The following TMEM130 variants were observed in gnomAD, a reference collection of about 807,000 sequenced individuals.
The protein encoded by TMEM130 is transmembrane protein 130.
A neutral mutation model predicts 42.9 loss-of-function variants in TMEM130; 37 were observed. The ratio of observed to expected loss-of-function variants is 0.86; its 90% confidence interval spans 0.66 to 1.13. The LOEUF is 1.13. Ranked by LOEUF, TMEM130 falls within the 50% of genes most tolerant of loss-of-function variation. The pLI, the probability that TMEM130 is intolerant of heterozygous loss-of-function variation, is 0.00. For missense variants in TMEM130, 545 were observed against 562.6 expected, an observed-to-expected ratio of 0.97 and a Z score of 0.32; for synonymous variants, 259 against 237.7, an observed-to-expected ratio of 1.09 and a Z score of -0.82.
At chr7:98,855,082 G>GCT (rs1298938137) in intron 5 of TMEM130, among the ~76,000 whole-genome samples, 158 bp downstream of exon 5, 1 of 152,338 alleles carries the variant, frequency 6.6e-6, no homozygotes, top group East Asian at 1.9e-4. Flanking sequence ...CTGAGCCCAT[G>GCT]CTCTCCCCAT....
chr7:98,851,484 T>C lies in TMEM130; in HGVS notation c.943A>G (p.Ile315Val), dbSNP rs782747753. The C allele has an allele frequency of 6.2e-7, 1 of 1,614,064 alleles. No individual in the cohort carries two copies. Among genetic ancestry groups the C allele is most frequent in the South Asian group, 1.1e-5 (1 of 91,082 alleles). The change falls in exon 6 of 8, where the codon ATC (isoleucine) becomes GTC (valine). Residue 315 changes from isoleucine (I) to valine (V), a missense_variant. Ile to Val is a conservative substitution (Grantham distance 29, BLOSUM62 3). Transcript: ENST00000339375. ...FRDPGDYCFS[I>V]RAENIISKTH... Reference sequence around the variant, plus strand: ...TTGCTGATGATATTCTCGGCCCGGATGCTGAAGCAGTAGTCCCCAGGGTCC... The same window carrying C: ...TTGCTGATGATATTCTCGGCCCGGACGCTGAAGCAGTAGTCCCCAGGGTCC...
At chr7:98,852,745 C>A (rs1313075270) in intron 5 of TMEM130, among the ~76,000 whole-genome samples, 3 of 152,092 alleles carry the variant, frequency 2.0e-5, no homozygotes, top group Non-Finnish European at 2.9e-5. Flanking sequence ...CAGGCATGCA[C>A]CACCGTGCCT....
Position 98,869,408 on chromosome 7 carries a change from A to C in TMEM130, c.85+369T>G. On this transcript the variant is annotated intron_variant, in intron 1 of 7. Coordinates refer to ENST00000339375, the MANE Select transcript of TMEM130 (RefSeq NM_152913.3). This position sits in a 1 kb window ranked among gnomAD's most constrained non-coding sequence, Gnocchi z 4.7. ...GGGACTGGGGAATTGTGGCGCGATG[A>C]CGGACCCTGGCGCATCCCCGCCTCC... 8.3e-7 allele frequency: 1 copy of C among 1,204,458 alleles called. No individual in the cohort carries two copies. The highest frequency in any genetic ancestry group is 1.0e-6 in the Non-Finnish European group (1 of 956,858). 74.6% of individuals were successfully genotyped at this position (1,204,458 alleles called of 1,614,324 possible).
rs1794502703 is a variant in TMEM130, at chr7:98,851,464, G to A, written c.963C>T (p.Ile321=). Reference sequence around the variant, plus strand: ...TCTTGTGGTACTGATGTGTCTTGCTGATGATATTCTCGGCCCGGATGCTGA... The same window carrying A: ...TCTTGTGGTACTGATGTGTCTTGCTAATGATATTCTCGGCCCGGATGCTGA... ...YCFSIRAENI[I]SKTHQYHKIQ... is the part of the protein sequence containing the mutation. Residue 321 remains isoleucine (I), a synonymous_variant, in exon 6 of 8, where the codon ATC becomes ATT. Transcript: ENST00000339375. The A allele has an allele frequency of 5.0e-6, 8 of 1,614,094 alleles. No homozygotes were observed. Among genetic ancestry groups the A allele is most frequent in the East Asian group, 2.2e-5 (1 of 44,872 alleles).
chr7:98,869,498 C>T lies in TMEM130; in HGVS notation c.85+279G>A, dbSNP rs1794981544. Reference sequence around the variant, plus strand: ...CAGGCATCGACGGATGCGCCGGCCACCCCCGCGCGGTTTCCAGGGCAGGGC... The same window carrying T: ...CAGGCATCGACGGATGCGCCGGCCATCCCCGCGCGGTTTCCAGGGCAGGGC... On this transcript the variant is annotated intron_variant, in intron 1 of 7. Transcript: ENST00000339375. This position sits in a 1 kb window ranked among gnomAD's most constrained non-coding sequence, Gnocchi z 4.7. 6.7e-6 allele frequency: 5 copies of T among 749,442 alleles called. No individual in the cohort carries two copies. In the South Asian group the frequency reaches 1.8e-4, roughly 27 times the overall value. The allele number at this position is 749,442 out of a possible 1,614,324, so 46.4% of individuals were successfully genotyped here.
At chr7:98,862,676 T>C (rs1794809646) in intron 2 of TMEM130, among the ~76,000 whole-genome samples, 2 of 152,024 alleles carry the variant, frequency 1.3e-5, no homozygotes, top group Admixed American at 1.3e-4. Context: ...ATTTTTGTAT[T>C]TTTAGTGGAG....
rs541770654 is a variant in TMEM130 at position 98,870,009 on chromosome 7, C to G, written c.-148G>C. 9 of 400,940 alleles carry G rather than the reference C, an allele frequency of 2.2e-5. No individual in the cohort carries two copies. The Middle Eastern group carries it at 2.9e-3, about 131-fold the overall frequency. The allele number at this position is 400,940 out of a possible 1,614,324, so 24.8% of individuals were successfully genotyped here. On this transcript the variant is annotated 5_prime_UTR_variant, in exon 1 of 8. Transcript: ENST00000339375. The stretch of plus-strand genomic sequence containing the variant: ...GTGCTCGCTCGTCCTCGCCGGGGGA[C>G]GCTCTGTCGCTGCGCGCCGCCGCCG...
chr7:98,860,095 A>C, intron 3 of TMEM130, 84 bp downstream of exon 3: 46 of 1,248,518 alleles, frequency 3.7e-5, no homozygotes, highest in Non-Finnish European at 4.6e-5. Flanking sequence ...TTAAAGGTGA[A>C]GAGATTCGGA....
At chr7:98,856,227 T>G in intron 3 of TMEM130, 44 bp from the exon 4 acceptor site, 1 of 1,590,400 alleles carries the variant, frequency 6.3e-7, no homozygotes, top group Non-Finnish European at 8.6e-7. Context: ...CAGCAGACGG[T>G]TGCTTCCCCT....
rs182292639 is a variant in TMEM130 at position 98,849,112 on chromosome 7, T to A, written c.1007-417A>T. On this transcript the variant is annotated intron_variant, in intron 6 of 7. Coordinates refer to ENST00000339375, the MANE Select transcript of TMEM130 (RefSeq NM_152913.3). ...GACACACTTTTGGGAAGGGCAGCCA[T>A]GTTGTGAGGTCACCCAATCAGCACT... Among the ~76,000 whole-genome samples, 25 of 152,258 alleles carry A rather than the reference T, an allele frequency of 1.6e-4. No individual in the cohort carries two copies. In the East Asian group the frequency reaches 4.4e-3, roughly 27 times the overall value.
chr7:98,864,815 G>T (rs1365812360), intron 1 of TMEM130, among the ~76,000 whole-genome samples: 1 of 152,256 alleles, frequency 6.6e-6, no homozygotes, highest in African/African-American at 2.4e-5. Flanking sequence ...CAGGGGAATC[G>T]CTGGAACCCA....
At chr7:98,862,572 C>T (rs12532442) in intron 2 of TMEM130, among the ~76,000 whole-genome samples, 105,008 of 145,870 alleles carry the variant, frequency 0.72, 41,766 homozygotes, top group South Asian at 0.88. Context: ...GTTCTCGGCT[C>T]ACTGCAACCT....
At position 98,851,493 on chromosome 7, in the gene TMEM130, A is replaced by C; in HGVS notation, c.934T>G (p.Cys312Gly). ...ATATTCTCGGCCCGGATGCTGAAGC[A>C]GTAGTCCCCAGGGTCCCTGAAGGTG... ...THTFRDPGDY[C>G]FSIRAENIIS... Residue 312 changes from cysteine (C) to glycine (G), a missense_variant, in exon 6 of 8, where the codon TGC (cysteine) becomes GGC (glycine). Transcript: ENST00000339375. 1 of 1,614,142 alleles carries C rather than the reference A, an allele frequency of 6.2e-7. No individual in the cohort carries two copies. The highest frequency in any genetic ancestry group is 8.5e-7 in the Non-Finnish European group (1 of 1,180,032).
chr7:98,862,487 C>CTTTTTTTT (rs57165730), intron 2 of TMEM130, among the ~76,000 whole-genome samples: 1 of 65,786 alleles, frequency 1.5e-5, no homozygotes, highest in African/African-American at 5.5e-5. Flanking sequence ...ACAATAATTT[C>CTTTTTTTT]TTTTTTTTTT....
intron 1 of TMEM130, among the ~76,000 whole-genome samples, chr7:98,867,803 CT>C (rs1410806049): frequency 2.6e-5 from 4 of 152,228 alleles, no homozygotes; most frequent in African/African-American, 4.8e-5. Flanking sequence ...GTCACAGCCC[CT>C]GGGTGATGCT....
Position 98,856,090 on chromosome 7 carries a change from T to C in TMEM130, c.645A>G (p.Glu215=), listed in dbSNP as rs1794626508. The part of the protein sequence containing the change: ...TVKLKVVAEW[E]EVEPDATRAV... ...CCCTCGTGGCATCCGGCTCCACCTC[T>C]TCCCACTCCGCCACCACTTTGAGCT... Residue 215 remains glutamate, a synonymous_variant, in exon 4 of 8, where the codon GAA becomes GAG. Coordinates refer to ENST00000339375, the MANE Select transcript of TMEM130 (RefSeq NM_152913.3). The C allele has an allele frequency of 6.2e-7, 1 of 1,613,824 alleles. No individual in the cohort carries two copies. The highest frequency in any genetic ancestry group is 1.7e-5 in the Admixed American group (1 of 59,994).
In TMEM130 at chr7:98,869,965, G is replaced by T. The variant is rs1794998018; in HGVS notation, c.-104C>A. Reference sequence around the variant, plus strand: ...CCTCCGGGCGCGCAGCGCGGGCGGTGCGGGGAGGTGCGGGCGCCGTGCTCG... The same window carrying T: ...CCTCCGGGCGCGCAGCGCGGGCGGTTCGGGGAGGTGCGGGCGCCGTGCTCG... On this transcript the variant is annotated 5_prime_UTR_variant, in exon 1 of 8. Transcript: ENST00000339375. The surrounding 1 kb of genome is among the most constrained non-coding windows in gnomAD (Gnocchi z 4.7). 2 of 718,792 alleles carry T rather than the reference G, an allele frequency of 2.8e-6. No individual in the cohort carries two copies. Among genetic ancestry groups the T allele is most frequent in the Admixed American group, 4.4e-5 (1 of 22,628 alleles). The allele number at this position is 718,792 out of a possible 1,614,324, so 44.5% of individuals were successfully genotyped here.
rs552269872 is a variant in TMEM130 at position 98,869,535 on chromosome 7, G to T, written c.85+242C>A. Among the ~76,000 whole-genome samples, 1 of 152,228 alleles carries T rather than the reference G, an allele frequency of 6.6e-6. No homozygotes were observed. ...TTCCAGGGCAGGGCCAGCCTGGGGGGGTGGAAGCAGGAATCCAGGGGGTGC... is the reference window on the plus strand; with the variant it reads ...TTCCAGGGCAGGGCCAGCCTGGGGGTGTGGAAGCAGGAATCCAGGGGGTGC... On this transcript the variant is annotated intron_variant, in intron 1 of 7. Coordinates refer to ENST00000339375, the MANE Select transcript of TMEM130 (RefSeq NM_152913.3). The surrounding 1 kb of genome is among the most constrained non-coding windows in gnomAD (Gnocchi z 4.7).
intron 2 of TMEM130, among the ~76,000 whole-genome samples, chr7:98,861,343 G>T (rs1584242739): frequency 1.3e-5 from 2 of 151,614 alleles, no homozygotes; most frequent in African/African-American, 4.8e-5. Context: ...GTCTCAAAAA[G>T]AAAAAAGAAA....
Sources: allele counts gnomAD v4.1 joint callset (sites outside exome capture counted in the v4.1 genomes callset), GRCh38; gene constraint gnomAD v4.1.1; non-coding constraint Gnocchi (gnomAD v3.1); transcripts MANE v1.5; gene names NCBI Gene and HGNC (gene_info 2026-07-23, HGNC 2026-07-21).